The following VTA1 variants were observed in gnomAD, a reference collection of about 807,000 sequenced individuals.
The protein encoded by VTA1 is vacuolar protein sorting-associated protein VTA1 homolog.
VTA1 carries 24 observed loss-of-function variants against 36.9 expected under a neutral mutation model. That is an observed-to-expected ratio of 0.65 (90% CI 0.47 to 0.91). VTA1 has a LOEUF of 0.91. Among genes scored for constraint, VTA1 ranks in the 40% least tolerant of loss-of-function variants. The probability of loss-of-function intolerance (pLI) is 0.00; values close to 1 mark genes in which losing one functional copy is unlikely to be tolerated. For missense variants in VTA1, 393 were observed against 377.2 expected (o/e 1.04, Z -0.35); for synonymous variants, 142 against 130.2 (o/e 1.09, Z -0.62).
rs114546782 is a variant in VTA1, at chr6:142,152,536, A to G, written c.112+5137A>G. Among the ~76,000 whole-genome samples, 1,136 of 152,254 alleles carry G rather than the reference A, an allele frequency of 7.5e-3. 16 individuals are homozygous for G. The highest frequency in any genetic ancestry group is 0.026 in the African/African-American group (1,079 of 41,560). ...TAGTCTACTCTTCCTCATTATGGCA[A>G]TAAATAATATTAATACATAAATATT... is the stretch of plus-strand genomic sequence containing the variant. On this transcript the variant is annotated intron_variant, in intron 1 of 7. Coordinates refer to ENST00000367630, the MANE Select transcript of VTA1 (RefSeq NM_016485.5).
chr6:142,147,675 C>A (rs1354574827), intron 1 of VTA1, among the ~76,000 whole-genome samples: 1 of 152,212 alleles, frequency 6.6e-6, no homozygotes, highest in Admixed American at 6.5e-5. Context: ...AAGGTTTTCT[C>A]TGTGTGTGTA....
rs183464452 is a variant in VTA1, at chr6:142,201,851, C to G, written c.698-2134C>G. Among the ~76,000 whole-genome samples the G allele has an allele frequency of 3.3e-5, 5 of 152,088 alleles. No homozygotes were observed. In the East Asian group the frequency reaches 9.7e-4, roughly 29 times the overall value. On this transcript the variant is annotated intron_variant, in intron 6 of 7. Transcript: ENST00000367630. Reference sequence around the variant, plus strand: ...TAGACAATATAGGTAACATTCCTTTCTTCCTTTTTCTGTGTCTCTCCAAAT... The same window carrying G: ...TAGACAATATAGGTAACATTCCTTTGTTCCTTTTTCTGTGTCTCTCCAAAT...
At chr6:142,169,250 T>C in intron 2 of VTA1, among the ~76,000 whole-genome samples, 1 of 152,232 alleles carries the variant, frequency 6.6e-6, no homozygotes, top group East Asian at 1.9e-4. Flanking sequence ...TATTTGATGC[T>C]TCCTTCACAT....
rs991089066 is a variant in VTA1, at chr6:142,222,870, A to T, written c.*4227A>T. 3.9e-5 allele frequency: 6 copies of T among 152,236 alleles called. No individual in the cohort carries two copies. The highest frequency in any genetic ancestry group is 1.4e-4 in the African/African-American group (6 of 41,464). 9.4% of individuals were successfully genotyped at this position (152,236 alleles called of 1,614,324 possible). ...GTATTTTGCATATATTAATTCATTTAATCTTCACAGTGGTCCTGAGAGGTA... is the reference window on the plus strand; with the variant it reads ...GTATTTTGCATATATTAATTCATTTTATCTTCACAGTGGTCCTGAGAGGTA... On this transcript the variant is annotated 3_prime_UTR_variant, in exon 8 of 8. Coordinates refer to ENST00000367630, the MANE Select transcript of VTA1 (RefSeq NM_016485.5).
chr6:142,167,635 G>T (rs980895868), intron 2 of VTA1, among the ~76,000 whole-genome samples: 2 of 152,156 alleles, frequency 1.3e-5, no homozygotes, highest in Non-Finnish European at 2.9e-5. Flanking sequence ...AGCAGCCATG[G>T]GCAGTAGTGT....
intron 7 of VTA1, among the ~76,000 whole-genome samples, chr6:142,214,547 C>T (rs1214324823): frequency 6.6e-6 from 1 of 152,172 alleles, no homozygotes; most frequent in African/African-American, 2.4e-5. Flanking sequence ...TACCAGGCCT[C>T]TCCTCCTATT....
intron 4 of VTA1, among the ~76,000 whole-genome samples, chr6:142,187,396 A>G (rs1424086761): frequency 4.6e-5 from 7 of 152,224 alleles, no homozygotes; most frequent in Non-Finnish European, 7.3e-5. Flanking sequence ...TCTAGTGTAG[A>G]CTAGGCAGTT....
At position 142,218,498 on chromosome 6, in the gene VTA1, G is replaced by A. The variant is rs776893130; in HGVS notation, c.779G>A (p.Gly260Glu). The A allele has an allele frequency of 1.2e-6, 2 of 1,611,814 alleles. No homozygotes were observed. Among genetic ancestry groups the A allele is most frequent in the Non-Finnish European group, 1.7e-6 (2 of 1,179,170 alleles). The change falls in exon 8 of 8, where the codon GGG becomes GAG. Residue 260 changes from glycine (G) to glutamate (E), a missense_variant and splice_region_variant. Gly to Glu is a moderately conservative substitution (Grantham distance 98). Coordinates refer to ENST00000367630, the MANE Select transcript of VTA1 (RefSeq NM_016485.5). ...ATCCCAATTGTTCTTTTTCTTCTAG[G>A]GGATGTTCGTCTAACCCCAGAAGAC... ...DPALFNTISQ[G>E]DVRLTPEDFA...
chr6:142,204,935 G>A (rs926366629), intron 7 of VTA1, among the ~76,000 whole-genome samples: 4 of 151,388 alleles, frequency 2.6e-5, no homozygotes, highest in Non-Finnish European at 4.4e-5. Context: ...ATGTTGGCCA[G>A]GGATGGTCTC....
intron 5 of VTA1, among the ~76,000 whole-genome samples, chr6:142,194,544 T>C (rs543657283): frequency 1.3e-5 from 2 of 152,318 alleles, no homozygotes; most frequent in East Asian, 3.9e-4. Context: ...TTTTTTAATT[T>C]GGTTTTCCAG....
At chr6:142,163,532 A>T (rs996465077) in intron 1 of VTA1, among the ~76,000 whole-genome samples, 15 of 149,572 alleles carry the variant, frequency 1.0e-4, no homozygotes, top group Admixed American at 2.7e-4. Context: ...TATGTGAGAA[A>T]TTTTTTTTTT....
rs1230937680 is a variant in VTA1, at chr6:142,219,448, C to T, written c.*805C>T. ...CTCTGCTGCTGTAGAATGGATTCCA[C>T]ACAGTGGATAGCTATGGGTGATTCA... On this transcript the variant is annotated 3_prime_UTR_variant, in exon 8 of 8. Transcript: ENST00000367630. 1.3e-5 allele frequency: 2 copies of T among 152,206 alleles called. No homozygotes were observed. Among genetic ancestry groups the T allele is most frequent in the African/African-American group, 4.8e-5 (2 of 41,456 alleles). 9.4% of individuals were successfully genotyped at this position (152,206 alleles called of 1,614,324 possible). A position where few individuals can be genotyped will look rare whatever the true frequency, so the allele number is the denominator to read the frequency against.
At chr6:142,188,290 C>T (rs1397059392) in intron 4 of VTA1, among the ~76,000 whole-genome samples, 6 of 127,234 alleles carry the variant, frequency 4.7e-5, no homozygotes, top group African/African-American at 1.8e-4. Flanking sequence ...GGCTGGAGTG[C>T]AGTGGCGTCT....
intron 4 of VTA1, among the ~76,000 whole-genome samples, chr6:142,187,761 G>C (rs1175443559): frequency 6.6e-6 from 1 of 151,952 alleles, no homozygotes; most frequent in Non-Finnish European, 1.5e-5. Flanking sequence ...GTAATTTAGG[G>C]GTTAATTTTT....
rs929976695 is a variant in VTA1, at chr6:142,161,090, C to T, written c.113-5138C>T. ...ATGCTTCCTTCCTTCCCCCCCCCCCCTTTTTTTGGGTCAAATAGTGTGCCT... is the reference window on the plus strand; with the variant it reads ...ATGCTTCCTTCCTTCCCCCCCCCCCTTTTTTTTGGGTCAAATAGTGTGCCT... On this transcript the variant is annotated intron_variant, in intron 1 of 7. Transcript: ENST00000367630. Among the ~76,000 whole-genome samples the T allele has an allele frequency of 2.9e-3, 403 of 137,182 alleles. 11 individuals carry two copies. The highest frequency in any genetic ancestry group is 3.7e-3 in the Non-Finnish European group (242 of 64,702). 90.0% of individuals were successfully genotyped at this position (137,182 alleles called of 152,430 possible). A position where few individuals can be genotyped will look rare whatever the true frequency, so the allele number is the denominator to read the frequency against.
intron 7 of VTA1, among the ~76,000 whole-genome samples, chr6:142,211,459 A>G (rs528690336): frequency 6.6e-6 from 1 of 152,326 alleles, no homozygotes; most frequent in South Asian, 2.1e-4. Context: ...CTGCCCTTCT[A>G]AAGATGCTGT....
chr6:142,181,739 T>C (rs1775244998), intron 4 of VTA1, among the ~76,000 whole-genome samples: 1 of 152,114 alleles, frequency 6.6e-6, no homozygotes, highest in South Asian at 2.1e-4. Flanking sequence ...AATGTTATGA[T>C]ATTTTAAAAA....
At chr6:142,217,951 G>A (rs1037246498) in intron 7 of VTA1, among the ~76,000 whole-genome samples, 1 of 151,884 alleles carries the variant, frequency 6.6e-6, no homozygotes. Context: ...GAAATAATAT[G>A]TAATGGTTGT....
Position 142,179,864 on chromosome 6 carries a change from T to C in VTA1, c.411+9443T>C, listed in dbSNP as rs1775195046. 2.0e-5 allele frequency among the ~76,000 whole-genome samples: 3 copies of C among 152,338 alleles called. No individual in the cohort carries two copies. In the South Asian group the frequency reaches 6.2e-4, roughly 32 times the overall value. ...CAGTTCTAAACCTGCTTATTCTATATTCTAAGAGTGACCAAATGATTAAAT... is the reference window on the plus strand; with the variant it reads ...CAGTTCTAAACCTGCTTATTCTATACTCTAAGAGTGACCAAATGATTAAAT... On this transcript the variant is annotated intron_variant, in intron 4 of 7. Coordinates refer to ENST00000367630, the MANE Select transcript of VTA1 (RefSeq NM_016485.5).
Sources: allele counts gnomAD v4.1 joint callset (sites outside exome capture counted in the v4.1 genomes callset), GRCh38; gene constraint gnomAD v4.1.1; transcripts MANE v1.5; gene names NCBI Gene and HGNC (gene_info 2026-07-23, HGNC 2026-07-21).